NBPF8: variants seen among roughly 807,000 people sequenced by gnomAD.
NBPF8 encodes NBPF member 8, also known as NBPF family member NBPF8.
chr1:120,452,035 G>C, intron 12 of NBPF8, 82 bp from the exon 11 acceptor site: 3 of 1,409,416 alleles, frequency 2.1e-6, no homozygotes, highest in Non-Finnish European at 2.0e-6. Context: ...TGAGGACATT[G>C]TCTCAGAAGT....
At chr1:120,435,552 A>G (rs1436903971), upstream of NBPF8, among the ~76,000 whole-genome samples, 1 of 137,856 alleles carries the variant, frequency 7.3e-6, no homozygotes, top group Non-Finnish European at 1.6e-5. Flanking sequence ...CACTTGAGTA[A>G]AGAGAAGTCG....
chr1:120,449,494 T>C (rs1661196479), intron 11 of NBPF8, 92 bp downstream of exon 9: 6 of 983,988 alleles, frequency 6.1e-6, no homozygotes, highest in South Asian at 5.3e-5. Context: ...AAAAATAATT[T>C]CATCCTTCCT....
At chr1:120,416,067 C>T (rs201324156), upstream of NBPF8, among the ~76,000 whole-genome samples, 3,942 of 152,126 alleles carry the variant, frequency 0.026, 45 homozygotes, top group East Asian at 0.043. Context: ...CTTTCTTTGC[C>T]GAAAGAATGA....
upstream of NBPF8, among the ~76,000 whole-genome samples, chr1:120,415,437 C>G (rs1553245001): frequency 6.6e-6 from 1 of 152,138 alleles, no homozygotes; most frequent in Admixed American, 6.5e-5. Flanking sequence ...GGCTTAAGTT[C>G]CATGCGTTCG....
chr1:120,465,957 T>C, intron 24 of NBPF8, 21 bp from the exon 23 acceptor site: 29 of 1,611,890 alleles, frequency 1.8e-5, no homozygotes, highest in Non-Finnish European at 2.0e-5. Flanking sequence ...GCTGCTTCTT[T>C]AGTTTTGTCT....
At chr1:120,468,941 T>C (rs1661829329), downstream of NBPF8, among the ~76,000 whole-genome samples, 1 of 152,120 alleles carries the variant, frequency 6.6e-6, no homozygotes, top group African/African-American at 2.4e-5. Flanking sequence ...CCCTGGTGTT[T>C]AGGGGCAGGA....
At chr1:120,453,999 C>A in exon 15 of NBPF8, 1 of 1,612,022 alleles carries the variant, frequency 6.2e-7, no homozygotes, top group East Asian at 2.2e-5. Context: ...GCCCTTATGA[C>A]TCCAACCAGC....
At chr1:120,456,225 G>T (rs1214889115) in intron 16 of NBPF8, among the ~76,000 whole-genome samples, 1 of 151,320 alleles carries the variant, frequency 6.6e-6, no homozygotes, top group Non-Finnish European at 1.5e-5. Flanking sequence ...GTGGTGCTGA[G>T]AAGAATGTAT....
chr1:120,466,228 C>A, exon 25 of NBPF8: 1 of 1,607,668 alleles, frequency 6.2e-7, no homozygotes, highest in Non-Finnish European at 8.5e-7. Flanking sequence ...ATAAGCAGCC[C>A]TTACTAAGCC....
chr1:120,422,810 A>G (rs1660611935), intron 1 of NBPF8, among the ~76,000 whole-genome samples: 1 of 108,236 alleles, frequency 9.2e-6, no homozygotes, highest in East Asian at 2.0e-4. Context: ...TGGTGTGTTC[A>G]CCGTTTTGTG....
chr1:120,452,661 C>T (rs1661314683), intron 13 of NBPF8, among the ~76,000 whole-genome samples: 1 of 152,254 alleles, frequency 6.6e-6, no homozygotes, highest in Non-Finnish European at 1.5e-5. Flanking sequence ...AATGAAGGTT[C>T]CCAGGCTGTC....
exon 25 of NBPF8, chr1:120,466,030 C>T (rs1165003380): frequency 1.2e-6 from 2 of 1,612,004 alleles, no homozygotes; most frequent in Admixed American, 1.7e-5. Flanking sequence ...ACAGGACTCA[C>T]TGGATAGATG....
At chr1:120,453,553 G>A in intron 14 of NBPF8, 109 bp downstream of exon 12, 1 of 977,936 alleles carries the variant, frequency 1.0e-6, no homozygotes, top group Non-Finnish European at 1.6e-6. Flanking sequence ...CATTTGCTTA[G>A]CCACAGTATG....
At chr1:120,454,681 A>G (rs2101684006) in intron 15 of NBPF8, among the ~76,000 whole-genome samples, 2 of 96,970 alleles carry the variant, frequency 2.1e-5, no homozygotes, top group East Asian at 6.0e-4. Context: ...GGCTGATCCA[A>G]TGTTTCTTTG....
exon 23 of NBPF8, chr1:120,464,517 A>C: frequency 3.0e-6 from 3 of 1,015,450 alleles, no homozygotes; most frequent in Non-Finnish European, 4.7e-6. Context: ...CATTGGAGGA[A>C]AAACATGTTG....
rs113153372 is a variant in NBPF8 at position 120,450,425 on chromosome 1, C to T, written n.1972-755C>T. Among the ~76,000 whole-genome samples the T allele has an allele frequency of 2.6e-5, 4 of 151,970 alleles. No homozygotes were observed. In the Middle Eastern group the frequency reaches 0.014, roughly 517 times the overall value. On this transcript the variant is annotated intron_variant and non_coding_transcript_variant, in intron 11 of 24. Coordinates refer to ENST00000583271, the Ensembl canonical transcript of NBPF8. The stretch of plus-strand genomic sequence containing the variant: ...TGTCTCCTGGGATCCATCCAAGTTG[C>T]TTGTCTTGTCTGTCCCTCAGTTTCC...
At chr1:120,467,951 A>AGTGTGT (rs1363238437), downstream of NBPF8, among the ~76,000 whole-genome samples, 10 of 151,068 alleles carry the variant, frequency 6.6e-5, no homozygotes, top group East Asian at 2.0e-4. Context: ...TGAGTGTGAG[A>AGTGTGT]GTGTGTGTGT....
At chr1:120,455,197 C>T (rs1424423230) in intron 15 of NBPF8, among the ~76,000 whole-genome samples, 6 of 151,960 alleles carry the variant, frequency 3.9e-5, no homozygotes, top group Admixed American at 1.3e-4. Context: ...TTATGGTCTA[C>T]ATGTAGAGGG....
In NBPF8 at chr1:120,453,509, C is replaced by A. The variant is rs1219537781; in HGVS notation, n.2362+65C>A. ...ATATGAGGAATATCTAGGAGGCACA[C>A]CCTCTCTGGCATCTATGATGGGTCA... On this transcript the variant is annotated intron_variant and non_coding_transcript_variant, in intron 14 of 24. Coordinates refer to ENST00000583271, the Ensembl canonical transcript of NBPF8. 48 of 1,103,476 alleles carry A rather than the reference C, an allele frequency of 4.3e-5. 2 individuals are homozygous for A. In the African/African-American group the frequency reaches 7.9e-4, roughly 18 times the overall value. The allele number at this position is 1,103,476 out of a possible 1,614,324, so 68.4% of individuals were successfully genotyped here. A position where few individuals can be genotyped will look rare whatever the true frequency, so the allele number is the denominator to read the frequency against.
Sources: allele counts gnomAD v4.1 joint callset (sites outside exome capture counted in the v4.1 genomes callset), GRCh38; gene constraint gnomAD v4.1.1; transcripts MANE v1.5; gene names NCBI Gene and HGNC (gene_info 2026-07-23, HGNC 2026-07-21).